Variants in DERA observed in about 807,000 individuals in gnomAD.
The protein encoded by DERA is deoxyribose-phosphate aldolase.
DERA carries 15 observed loss-of-function variants against 41.1 expected under a neutral mutation model. The observed-to-expected ratio is 0.37, with a 90% confidence interval of 0.24 to 0.56. The LOEUF is 0.56. Ranked by LOEUF, DERA falls within the 20% of genes least tolerant of loss-of-function variation. DERA has a pLI of 0.81. For missense variants in DERA, 396 were observed against 403.4 expected, an observed-to-expected ratio of 0.98 and a Z score of 0.16; for synonymous variants, 139 against 137.4, an observed-to-expected ratio of 1.01 and a Z score of -0.08.
Position 15,981,757 on chromosome 12 carries a change from C to T in DERA, c.509-551C>T, listed in dbSNP as rs1435551579. Among the ~76,000 whole-genome samples the T allele has an allele frequency of 6.6e-6, 1 of 152,184 alleles. No homozygotes were observed. The highest frequency in any genetic ancestry group is 1.5e-5 in the Non-Finnish European group (1 of 68,036). On this transcript the variant is annotated intron_variant, in intron 5 of 8. Transcript: ENST00000428559. The surrounding 1 kb of genome is among the most constrained non-coding windows in gnomAD (Gnocchi z 6.1). The stretch of plus-strand genomic sequence containing the variant: ...TTTGTACACATGCGTCCAGCACTAC[C>T]TGGCCAGGCCTAACACTTTTTAGTC...
rs1948951117 is a variant in DERA, at chr12:16,012,207, T to C, written c.638-20335T>C. On this transcript the variant is annotated intron_variant, in intron 6 of 8. Transcript: ENST00000428559. This position sits in a 1 kb window ranked among gnomAD's most constrained non-coding sequence, Gnocchi z 4.1. ...AGGAGTTGAGTTGAGCACAGAGATGTGATACAAGTCCTACACAGTCATGAG... is the reference window on the plus strand; with the variant it reads ...AGGAGTTGAGTTGAGCACAGAGATGCGATACAAGTCCTACACAGTCATGAG... Among the ~76,000 whole-genome samples the C allele has an allele frequency of 6.6e-6, 1 of 152,094 alleles. No homozygotes were observed. The highest frequency in any genetic ancestry group is 2.1e-4 in the South Asian group (1 of 4,824).
At position 15,972,892 on chromosome 12, in the gene DERA, G is replaced by A. The variant is rs1003885599; in HGVS notation, c.509-9416G>A. ...GATGCAAGTTCCTGCTGGCGTGCGG[G>A]GACAGCATTGCAGAAGGTAGGGCCA... On this transcript the variant is annotated intron_variant, in intron 5 of 8. Coordinates refer to ENST00000428559, the MANE Select transcript of DERA (RefSeq NM_015954.4). The surrounding 1 kb of genome is among the most constrained non-coding windows in gnomAD (Gnocchi z 4.4). Among the ~76,000 whole-genome samples, 3 of 152,164 alleles carry A rather than the reference G, an allele frequency of 2.0e-5. No homozygotes were observed. The highest frequency in any genetic ancestry group is 4.4e-5 in the Non-Finnish European group (3 of 68,020).
intron 1 of DERA, among the ~76,000 whole-genome samples, chr12:15,919,351 T>C (rs1056519311): frequency 3.9e-5 from 6 of 152,152 alleles, no homozygotes; most frequent in African/African-American, 1.4e-4. Context: ...ATGGGATGCT[T>C]CTGCCAGGAA....
At chr12:15,945,027 A>G (rs556744811) in intron 1 of DERA, among the ~76,000 whole-genome samples, 14 of 152,348 alleles carry the variant, frequency 9.2e-5, no homozygotes, top group African/African-American at 3.4e-4. Context: ...TTTGTCAAAG[A>G]TTAGATGATT....
In DERA at chr12:15,911,379, G is replaced by C. The variant is rs781490828; in HGVS notation, c.-5G>C. The C allele has an allele frequency of 7.1e-7, 1 of 1,403,532 alleles. No individual in the cohort carries two copies. The allele number at this position is 1,403,532 out of a possible 1,614,324, so 86.9% of individuals were successfully genotyped here. A position where few individuals can be genotyped will look rare whatever the true frequency, so the allele number is the denominator to read the frequency against. The stretch of plus-strand genomic sequence containing the variant: ...CCAGCCGGCAGCTCCGGAGCTGCCC[G>C]CGCCATGTCCGCGCACAATCGGGGC... On this transcript the variant is annotated 5_prime_UTR_variant, in exon 1 of 9. Transcript: ENST00000428559. This position sits in a 1 kb window ranked among gnomAD's most constrained non-coding sequence, Gnocchi z 4.5.
chr12:15,991,579 C>A (rs1948802098), intron 6 of DERA, among the ~76,000 whole-genome samples: 1 of 152,070 alleles, frequency 6.6e-6, no homozygotes, highest in Non-Finnish European at 1.5e-5. Context: ...AGAACCAAGG[C>A]AGGAACCAGA....
chr12:15,959,762 T>G lies in DERA; in HGVS notation c.278-67T>G, dbSNP rs112037247. 145 of 1,093,926 alleles carry G rather than the reference T, an allele frequency of 1.3e-4. No homozygotes were observed. The African/African-American group carries it at 2.1e-3, about 16-fold the overall frequency. The allele number at this position is 1,093,926 out of a possible 1,614,324, so 67.8% of individuals were successfully genotyped here. A position where few individuals can be genotyped will look rare whatever the true frequency, so the allele number is the denominator to read the frequency against. The stretch of plus-strand genomic sequence containing the variant: ...TTTGCCAGTGTTGCGATATAAATAA[T>G]AATTAAAAGCATGTTGTATGAGTTG... On this transcript the variant is annotated intron_variant, in intron 3 of 8. Transcript: ENST00000428559. The surrounding 1 kb of genome is among the most constrained non-coding windows in gnomAD (Gnocchi z 4.5).
At chr12:16,006,540 C>T (rs1242038564) in intron 6 of DERA, among the ~76,000 whole-genome samples, 1 of 152,230 alleles carries the variant, frequency 6.6e-6, no homozygotes, top group Non-Finnish European at 1.5e-5. Context: ...TCCAGCCCTG[C>T]CATCTGGAGA....
rs1453625788 is a variant in DERA at position 16,003,825 on chromosome 12, T to G, written c.637+21389T>G. ...CTTTGTATCACCATCTTGAGATTCCTTATCCAAATTTAAACTCCATTAGTA... is the reference window on the plus strand; with the variant it reads ...CTTTGTATCACCATCTTGAGATTCCGTATCCAAATTTAAACTCCATTAGTA... On this transcript the variant is annotated intron_variant, in intron 6 of 8. Transcript: ENST00000428559. The surrounding 1 kb of genome is among the most constrained non-coding windows in gnomAD (Gnocchi z 4.8). Among the ~76,000 whole-genome samples the G allele has an allele frequency of 5.3e-5, 8 of 152,184 alleles. No individual in the cohort carries two copies. Among genetic ancestry groups the G allele is most frequent in the Non-Finnish European group, 1.0e-4 (7 of 68,036 alleles).
chr12:15,928,462 A>C lies in DERA; in HGVS notation c.31+17048A>C, dbSNP rs1298169794. ...TCTTTCTGTATTTGCATTTTGGACTATATGGTGGACATGCCATGTGCAAAT... is the reference window on the plus strand; with the variant it reads ...TCTTTCTGTATTTGCATTTTGGACTCTATGGTGGACATGCCATGTGCAAAT... On this transcript the variant is annotated intron_variant, in intron 1 of 8. Transcript: ENST00000428559. The surrounding 1 kb of genome is among the most constrained non-coding windows in gnomAD (Gnocchi z 4.6). Among the ~76,000 whole-genome samples the C allele has an allele frequency of 2.0e-5, 3 of 152,236 alleles. No homozygotes were observed. The highest frequency in any genetic ancestry group is 4.4e-5 in the Non-Finnish European group (3 of 68,040).
chr12:15,933,325 A>AT (rs1948343044), intron 1 of DERA, among the ~76,000 whole-genome samples: 1 of 152,032 alleles, frequency 6.6e-6, no homozygotes, highest in African/African-American at 2.4e-5. Flanking sequence ...ACATCCTGTC[A>AT]TTTTTTTAAA....
intron 1 of DERA, among the ~76,000 whole-genome samples, chr12:15,955,622 ACT>A (rs1345281855): frequency 3.3e-5 from 5 of 152,200 alleles, no homozygotes; most frequent in Admixed American, 1.3e-4. Context: ...AAGCACCCAA[ACT>A]CTCTTCCTTC....
At position 15,928,887 on chromosome 12, in the gene DERA, C is replaced by T. The variant is rs1948306737; in HGVS notation, c.31+17473C>T. On this transcript the variant is annotated intron_variant, in intron 1 of 8. Coordinates refer to ENST00000428559, the MANE Select transcript of DERA (RefSeq NM_015954.4). This position sits in a 1 kb window ranked among gnomAD's most constrained non-coding sequence, Gnocchi z 4.6. ...GAAATCTTGCCATTTTGACTTCTGT[C>T]CATCATGGTTTTTGTACACTTGACC... 1.3e-5 allele frequency among the ~76,000 whole-genome samples: 2 copies of T among 152,172 alleles called. No individual in the cohort carries two copies. Among genetic ancestry groups the T allele is most frequent in the African/African-American group, 4.8e-5 (2 of 41,432 alleles).
In DERA at chr12:15,959,732, T is replaced by C; in HGVS notation, c.278-97T>C. Reference sequence around the variant, plus strand: ...GTGGGGGAATTATTTTTTTCTCATTTGATTTTTGCCAGTGTTGCGATATAA... The same window carrying C: ...GTGGGGGAATTATTTTTTTCTCATTCGATTTTTGCCAGTGTTGCGATATAA... On this transcript the variant is annotated intron_variant, in intron 3 of 8. Coordinates refer to ENST00000428559, the MANE Select transcript of DERA (RefSeq NM_015954.4). This position sits in a 1 kb window ranked among gnomAD's most constrained non-coding sequence, Gnocchi z 4.5. The C allele has an allele frequency of 1.3e-6, 1 of 741,320 alleles. No individual in the cohort carries two copies. The highest frequency in any genetic ancestry group is 2.2e-6 in the Non-Finnish European group (1 of 460,324). The allele number at this position is 741,320 out of a possible 1,614,324, so 45.9% of individuals were successfully genotyped here.
intron 6 of DERA, among the ~76,000 whole-genome samples, chr12:15,986,638 A>C (rs557387663): frequency 6.6e-6 from 1 of 152,232 alleles, no homozygotes; most frequent in African/African-American, 2.4e-5. Context: ...AGTTATTTTA[A>C]TGTTCTTTTC....
Position 15,913,356 on chromosome 12 carries a change from G to A in DERA, c.31+1942G>A, listed in dbSNP as rs1053915342. Among the ~76,000 whole-genome samples, 10 of 152,068 alleles carry A rather than the reference G, an allele frequency of 6.6e-5. No homozygotes were observed. Among genetic ancestry groups the A allele is most frequent in the African/African-American group, 2.4e-4 (10 of 41,502 alleles). ...GGGTATTAATCCTTAATCCAAACAG[G>A]TTTAAACTGAAATGCTAAAATAAGT... On this transcript the variant is annotated intron_variant, in intron 1 of 8. Coordinates refer to ENST00000428559, the MANE Select transcript of DERA (RefSeq NM_015954.4). This position sits in a 1 kb window ranked among gnomAD's most constrained non-coding sequence, Gnocchi z 4.5.
chr12:15,919,361 A>T (rs556281155), intron 1 of DERA, among the ~76,000 whole-genome samples: 10 of 152,330 alleles, frequency 6.6e-5, no homozygotes, highest in African/African-American at 2.4e-4. Flanking sequence ...TCTGCCAGGA[A>T]AGAAAGACTA....
In DERA at chr12:15,911,684, ACT is replaced by A. The variant is rs1274956706; in HGVS notation, c.31+273_31+274del. 2 of 676,740 alleles carry A rather than the reference ACT, an allele frequency of 3.0e-6. No homozygotes were observed. The highest frequency in any genetic ancestry group is 4.1e-5 in the Admixed American group (2 of 49,116). The allele number at this position is 676,740 out of a possible 1,614,324, so 41.9% of individuals were successfully genotyped here. ...TTATTATCTTCCTGCCTTTTCGTTC[ACT>A]CTAGCTCGCTGGTTGGAAAACCCAA... On this transcript the variant is annotated intron_variant, in intron 1 of 8. Transcript: ENST00000428559. The surrounding 1 kb of genome is among the most constrained non-coding windows in gnomAD (Gnocchi z 4.5).
intron 1 of DERA, among the ~76,000 whole-genome samples, chr12:15,917,610 A>G (rs2136122704): frequency 6.6e-6 from 1 of 152,324 alleles, no homozygotes; most frequent in South Asian, 2.1e-4. Flanking sequence ...CCTCAGAGCT[A>G]GTAAGAGTTG....
Sources: allele counts gnomAD v4.1 joint callset (sites outside exome capture counted in the v4.1 genomes callset), GRCh38; gene constraint gnomAD v4.1.1; non-coding constraint Gnocchi (gnomAD v3.1); transcripts MANE v1.5; gene names NCBI Gene and HGNC (gene_info 2026-07-23, HGNC 2026-07-21).